The following STOX2 variants were observed in gnomAD, a reference collection of about 807,000 sequenced individuals.
STOX2 encodes storkhead-box protein 2.
In STOX2, 28 loss-of-function variants were observed where a neutral mutation model predicts 60.9. The ratio of observed to expected loss-of-function variants is 0.46; its 90% CI spans 0.34 to 0.63. The LOEUF (loss-of-function observed/expected upper bound fraction) is 0.63. Among genes scored for constraint, STOX2 ranks in the 30% least tolerant of loss-of-function variants. The pLI, the probability that STOX2 is intolerant of heterozygous loss-of-function variation, is 0.01. For synonymous variants in STOX2, 472 were observed against 463.9 expected (o/e 1.02, Z -0.22); for missense variants, 1,024 against 1,187.7 (o/e 0.86, Z 2.03).
chr4:183,911,027 C>T (rs954717469), intron 1 of STOX2, among the ~76,000 whole-genome samples: 5 of 152,130 alleles, frequency 3.3e-5, no homozygotes, highest in Admixed American at 6.5e-5. Flanking sequence ...GTGTCCCTGG[C>T]GAGTAATATG....
rs1304047111 is a variant in STOX2 at position 183,833,863 on chromosome 4, T to A, written c.364+35808T>A. On this transcript the variant is annotated intron_variant, in intron 1 of 2. Transcript: ENST00000513034. ...CGGGCGTGGTGGCAGGCGCCTGTAG[T>A]CCCAGCTACTTGGGAGGCTGAGGCA... is the stretch of plus-strand genomic sequence containing the variant. Among the ~76,000 whole-genome samples, 9 of 150,436 alleles carry A rather than the reference T, an allele frequency of 6.0e-5. 2 individuals carry two copies. In the Admixed American group the frequency reaches 6.1e-4, roughly 10 times the overall value.
intron 1 of STOX2, among the ~76,000 whole-genome samples, chr4:183,894,563 T>A (rs1741299176): frequency 6.6e-6 from 1 of 152,024 alleles, no homozygotes; most frequent in African/African-American, 2.4e-5. Flanking sequence ...TTTTTTTTTT[T>A]AACAGTTATT....
At chr4:183,875,855 C>A (rs1740817152) in intron 1 of STOX2, among the ~76,000 whole-genome samples, 1 of 152,162 alleles carries the variant, frequency 6.6e-6, no homozygotes, top group Non-Finnish European at 1.5e-5. Flanking sequence ...GCAGCTGTGA[C>A]CACAGATACA....
At chr4:183,940,422 C>G (rs143096110) in intron 1 of STOX2, among the ~76,000 whole-genome samples, 1 of 152,198 alleles carries the variant, frequency 6.6e-6, no homozygotes, top group Non-Finnish European at 1.5e-5. Context: ...TAAATAAGCC[C>G]GGTTACTCCG....
At chr4:183,965,709 G>T (rs934840077) in intron 1 of STOX2, among the ~76,000 whole-genome samples, 3 of 152,148 alleles carry the variant, frequency 2.0e-5, no homozygotes, top group Admixed American at 2.0e-4. Context: ...TATGCTTAGG[G>T]TGACAGAGGA....
Position 184,017,310 on chromosome 4 carries a change from T to C in STOX2, c.*26T>C. On this transcript the variant is annotated 3_prime_UTR_variant, in exon 4 of 4. Coordinates refer to ENST00000308497, the MANE Select transcript of STOX2 (RefSeq NM_020225.3). ...TTGTCCTTCTGCCTCAGATCTTCTG[T>C]CTCATTCGATACAGCAAAGTTTACG... 1 of 1,552,844 alleles carries C rather than the reference T, an allele frequency of 6.4e-7. No individual in the cohort carries two copies. Among genetic ancestry groups the C allele is most frequent in the Non-Finnish European group, 8.7e-7 (1 of 1,147,694 alleles).
rs1370115395 is a variant in STOX2 at position 184,001,635 on chromosome 4, G to A, written c.319+158G>A. Among the ~76,000 whole-genome samples the A allele has an allele frequency of 1.3e-5, 2 of 151,946 alleles. No individual in the cohort carries two copies. The highest frequency in any genetic ancestry group is 1.5e-5 in the Non-Finnish European group (1 of 67,992). ...CTTACTTCTGTAATTAAAAATTCAG[G>A]CACCTGCATGACATCAAAAAATAAC... On this transcript the variant is annotated intron_variant, in intron 2 of 3. Transcript: ENST00000308497. This position sits in a 1 kb window ranked among gnomAD's most constrained non-coding sequence, Gnocchi z 4.2.
At chr4:183,984,578 T>A (rs529973916) in intron 1 of STOX2, among the ~76,000 whole-genome samples, 4 of 152,216 alleles carry the variant, frequency 2.6e-5, no homozygotes, top group South Asian at 2.1e-4. Flanking sequence ...ATAAATATTT[T>A]TAATTGATTT....
chr4:183,857,858 G>T (rs1281552530), intron 1 of STOX2, among the ~76,000 whole-genome samples: 4 of 152,122 alleles, frequency 2.6e-5, no homozygotes, highest in African/African-American at 4.8e-5. Context: ...CCAGGTTTCA[G>T]TCCTGCCCAT....
intron 1 of STOX2, among the ~76,000 whole-genome samples, chr4:183,862,748 T>C (rs1463537519): frequency 1.3e-5 from 2 of 152,168 alleles, no homozygotes; most frequent in Non-Finnish European, 2.9e-5. Context: ...GTAATTAGTG[T>C]CCTGAGAAAA....
intron 1 of STOX2, among the ~76,000 whole-genome samples, chr4:183,960,443 A>C (rs1298531502): frequency 2.6e-5 from 4 of 152,214 alleles, no homozygotes; most frequent in Admixed American, 6.5e-5. Context: ...GTGCATGTGT[A>C]TATTATAGAT....
intron 1 of STOX2, among the ~76,000 whole-genome samples, chr4:183,916,968 C>T (rs1422948873): frequency 6.6e-6 from 1 of 152,212 alleles, no homozygotes; most frequent in African/African-American, 2.4e-5. Context: ...GGCAGCACTT[C>T]TTGCGCACCT....
intron 1 of STOX2, among the ~76,000 whole-genome samples, chr4:183,916,973 G>A (rs369510854): frequency 5.0e-4 from 76 of 152,256 alleles, no homozygotes; most frequent in Middle Eastern, 3.4e-3. Flanking sequence ...CACTTCTTGC[G>A]CACCTCTGAA....
In STOX2 at chr4:184,009,210, A is replaced by G. The variant is rs1340911531; in HGVS notation, c.372A>G (p.Val124=). 2 of 1,494,588 alleles carry G rather than the reference A, an allele frequency of 1.3e-6. No individual in the cohort carries two copies. The highest frequency in any genetic ancestry group is 1.8e-6 in the Non-Finnish European group (2 of 1,103,142). The allele number at this position is 1,494,588 out of a possible 1,614,324, so 92.6% of individuals were successfully genotyped here. ...EILRHTLNTL[V]RERKIYPTPD... ...TGCGGCACACGCTGAACACGCTGGTACGGGAGAGGAAGATCTACCCAACTC... is the reference window on the plus strand; with the variant it reads ...TGCGGCACACGCTGAACACGCTGGTGCGGGAGAGGAAGATCTACCCAACTC... Residue 124 remains valine (V), a synonymous_variant, in exon 3 of 4, where the codon GTA becomes GTG. Coordinates refer to ENST00000308497, the MANE Select transcript of STOX2 (RefSeq NM_020225.3). The surrounding 1 kb of genome is among the most constrained non-coding windows in gnomAD (Gnocchi z 4.0).
intron 1 of STOX2, among the ~76,000 whole-genome samples, chr4:183,941,741 ATAT>A (rs1403093377): frequency 2.6e-5 from 4 of 152,186 alleles, no homozygotes; most frequent in Non-Finnish European, 4.4e-5. Flanking sequence ...GCTAATGTTC[ATAT>A]TATTAAGTTT....
chr4:183,826,409 G>A lies in STOX2; in HGVS notation c.364+28354G>A, dbSNP rs187891870. 1.8e-4 allele frequency among the ~76,000 whole-genome samples: 28 copies of A among 152,194 alleles called. No individual in the cohort carries two copies. In the East Asian group the frequency reaches 4.3e-3, roughly 23 times the overall value. ...TACCCAGGCAGCCTCTGGCTCCAGC[G>A]ACTCCCTGTCCCCGTCACTGGCCTT... On this transcript the variant is annotated intron_variant, in intron 1 of 2. Transcript: ENST00000513034.
rs950003171 is a variant in STOX2 at position 183,819,217 on chromosome 4, G to C, written c.364+21162G>C. ...GGGGCTGGGAGGTGGAGGTTGTAGA[G>C]AGCCGAGATCACGCCGCTGCACTCC... On this transcript the variant is annotated intron_variant, in intron 1 of 2. Coordinates refer to the STOX2 transcript ENST00000513034. 4.6e-5 allele frequency among the ~76,000 whole-genome samples: 7 copies of C among 152,246 alleles called. No homozygotes were observed. The East Asian group carries it at 1.4e-3, about 30-fold the overall frequency.
chr4:183,923,837 C>T (rs1056949118), intron 1 of STOX2, among the ~76,000 whole-genome samples: 2 of 152,048 alleles, frequency 1.3e-5, no homozygotes, highest in African/African-American at 2.4e-5. Context: ...AGGCTGCATT[C>T]GGCAGGGTCA....
chr4:183,810,753 T>A (rs532993466), intron 1 of STOX2, among the ~76,000 whole-genome samples: 1 of 146,410 alleles, frequency 6.8e-6, no homozygotes, highest in Non-Finnish European at 1.5e-5. Flanking sequence ...GCTTCTCCCA[T>A]GTTGTGGCAC....
Sources: allele counts gnomAD v4.1 joint callset (sites outside exome capture counted in the v4.1 genomes callset), GRCh38; gene constraint gnomAD v4.1.1; non-coding constraint Gnocchi (gnomAD v3.1); transcripts MANE v1.5; gene names NCBI Gene and HGNC (gene_info 2026-07-23, HGNC 2026-07-21).